Variants in ACAP2 observed in about 807,000 individuals in gnomAD.
The protein encoded by ACAP2 is ArfGAP with coiled-coil, ankyrin repeat and PH domains 2, also known as arf-GAP with coiled-coil, ANK repeat and PH domain-containing protein 2.
A neutral mutation model predicts 115.8 loss-of-function variants in ACAP2; 39 were observed. The observed-to-expected ratio is 0.34, with a 90% CI of 0.26 to 0.44. The LOEUF is 0.44. ACAP2 is among the 20% of genes least tolerant of loss of function. The probability of loss-of-function intolerance (pLI) is 1.00; values close to 1 mark genes in which losing one functional copy is unlikely to be tolerated. For synonymous variants in ACAP2, 289 were observed against 315.8 expected (o/e 0.92, Z 0.90); for missense variants, 662 against 927.6 (o/e 0.71, Z 3.72).
intron 2 of ACAP2, among the ~76,000 whole-genome samples, chr3:195,389,499 A>G (rs1734515045): frequency 6.6e-6 from 1 of 152,172 alleles, no homozygotes. Flanking sequence ...ACTTATGTAT[A>G]TATAAGTAAT....
intron 2 of ACAP2, among the ~76,000 whole-genome samples, 194 bp downstream of exon 2, chr3:195,391,895 TG>T (rs1734703096): frequency 6.6e-6 from 1 of 152,040 alleles, no homozygotes; most frequent in Non-Finnish European, 1.5e-5. Flanking sequence ...CTTGGGAGGC[TG>T]AGGCAGGAGG....
intron 13 of ACAP2, among the ~76,000 whole-genome samples, chr3:195,304,156 T>C (rs1728254987): frequency 2.4e-5 from 2 of 83,114 alleles, no homozygotes; most frequent in Non-Finnish European, 4.1e-5. Context: ...GGAGTGAGAC[T>C]CCATCTCAAA....
chr3:195,385,351 T>C (rs535241252), intron 2 of ACAP2, among the ~76,000 whole-genome samples: 63 of 151,386 alleles, frequency 4.2e-4, no homozygotes, highest in African/African-American at 1.5e-3. Flanking sequence ...CCTATTGTTG[T>C]TTGCTTTTGT....
intron 1 of ACAP2, among the ~76,000 whole-genome samples, chr3:195,411,628 A>G (rs1416439779): frequency 6.6e-6 from 1 of 152,236 alleles, no homozygotes; most frequent in Non-Finnish European, 1.5e-5. Context: ...GTAATCTACA[A>G]TATTTTTCCT....
In ACAP2 at chr3:195,375,585, G is replaced by A. The variant is rs189358070; in HGVS notation, c.285+5424C>T. Among the ~76,000 whole-genome samples, 12 of 151,336 alleles carry A rather than the reference G, an allele frequency of 7.9e-5. No individual in the cohort carries two copies. In the East Asian group the frequency reaches 2.1e-3, roughly 27 times the overall value. ...CCAGCACTTTGGGAAGCCGAGGCAGGATGATCACTTCAGCCCAGGAGTTTG... is the reference window on the plus strand; with the variant it reads ...CCAGCACTTTGGGAAGCCGAGGCAGAATGATCACTTCAGCCCAGGAGTTTG... On this transcript the variant is annotated intron_variant, in intron 4 of 22. Transcript: ENST00000326793.
At chr3:195,405,019 C>T (rs1712633558) in intron 1 of ACAP2, among the ~76,000 whole-genome samples, 1 of 151,794 alleles carries the variant, frequency 6.6e-6, no homozygotes, top group Non-Finnish European at 1.5e-5. Context: ...AGGCTGGTCT[C>T]GAACTCCTGA....
At chr3:195,403,628 C>G (rs561859967) in intron 1 of ACAP2, among the ~76,000 whole-genome samples, 4 of 152,176 alleles carry the variant, frequency 2.6e-5, no homozygotes, top group Non-Finnish European at 1.5e-5. Context: ...CATATGCATG[C>G]GTACACCAGG....
chr3:195,305,519 T>G (rs997270472), intron 13 of ACAP2, among the ~76,000 whole-genome samples: 4 of 152,114 alleles, frequency 2.6e-5, no homozygotes, highest in Non-Finnish European at 5.9e-5. Flanking sequence ...AGAAAGTACT[T>G]AAGTTTTCCT....
intron 10 of ACAP2, among the ~76,000 whole-genome samples, chr3:195,316,135 A>C (rs1729074823): frequency 6.6e-6 from 1 of 151,568 alleles, no homozygotes; most frequent in Non-Finnish European, 1.5e-5. Flanking sequence ...TTCTGCCATT[A>C]TATCATGAAA....
At position 195,342,735 on chromosome 3, in the gene ACAP2, C is replaced by T. The variant is rs1221330329; in HGVS notation, c.345-81G>A. 4 of 1,118,944 alleles carry T rather than the reference C, an allele frequency of 3.6e-6. No homozygotes were observed. In the African/African-American group the frequency reaches 4.8e-5, roughly 13 times the overall value. The allele number at this position is 1,118,944 out of a possible 1,614,324, so 69.3% of individuals were successfully genotyped here. A position where few individuals can be genotyped will look rare whatever the true frequency, so the allele number is the denominator to read the frequency against. On this transcript the variant is annotated intron_variant, in intron 5 of 22. Coordinates refer to ENST00000326793, the MANE Select transcript of ACAP2 (RefSeq NM_012287.6). ...AGCAGGCTGGGCGCGGTGGCTCACACCTGTAATCCCAGCACTTTGGGAGGC... is the reference window on the plus strand; with the variant it reads ...AGCAGGCTGGGCGCGGTGGCTCACATCTGTAATCCCAGCACTTTGGGAGGC...
chr3:195,295,843 C>T lies in ACAP2; in HGVS notation c.1537G>A (p.Val513Met). 1 of 1,613,812 alleles carries T rather than the reference C, an allele frequency of 6.2e-7. No individual in the cohort carries two copies. The highest frequency in any genetic ancestry group is 2.2e-5 in the East Asian group (1 of 44,858). The stretch of plus-strand genomic sequence containing the variant: ...GATAATGATATAGAATATTTATCCA[C>T]AAATTTCCTCTCCACATATTTTGCT... ...IRAKYVERKF[V>M]DKYSISLSPP... The change falls in exon 17 of 23, where the codon GTG becomes ATG. Residue 513 changes from valine (V) to methionine (M), a missense_variant. Val to Met is a conservative substitution (Grantham distance 21). This residue lies in a region of ACAP2 where 133 missense variants were observed against 123.1 expected (regional missense o/e 1.08). Transcript: ENST00000326793.
At chr3:195,423,808 G>T (rs1204013419) in intron 1 of ACAP2, among the ~76,000 whole-genome samples, 1 of 151,834 alleles carries the variant, frequency 6.6e-6, no homozygotes, top group Non-Finnish European at 1.5e-5. Flanking sequence ...TAATTTTCAT[G>T]TGTCATGAAA....
chr3:195,370,288 T>C (rs1304456790), intron 4 of ACAP2, among the ~76,000 whole-genome samples: 1 of 152,242 alleles, frequency 6.6e-6, no homozygotes, highest in African/African-American at 2.4e-5. Flanking sequence ...GCAATTGCTT[T>C]TGGCATCTTT....
At chr3:195,363,355 T>C (rs1227611381) in intron 4 of ACAP2, among the ~76,000 whole-genome samples, 1 of 152,086 alleles carries the variant, frequency 6.6e-6, no homozygotes, top group Non-Finnish European at 1.5e-5. Flanking sequence ...ATTGTTAAAA[T>C]GTCCAGGCCG....
At chr3:195,323,411 T>C (rs1729576515) in intron 9 of ACAP2, among the ~76,000 whole-genome samples, 1 of 151,954 alleles carries the variant, frequency 6.6e-6, no homozygotes, top group Admixed American at 6.6e-5. Context: ...AACAGAACAG[T>C]GGTAAAATAA....
chr3:195,415,000 G>A (rs543973488), intron 1 of ACAP2, among the ~76,000 whole-genome samples: 1 of 152,264 alleles, frequency 6.6e-6, no homozygotes, highest in African/African-American at 2.4e-5. Flanking sequence ...AATCAGTAAA[G>A]CCCAGAGAAT....
chr3:195,326,815 A>ACCTT, intron 9 of ACAP2, 70 bp downstream of exon 9: 1 of 1,311,730 alleles, frequency 7.6e-7, no homozygotes, highest in Non-Finnish European at 1.1e-6. Flanking sequence ...ATACAATGAT[A>ACCTT]CCTTGCATAA....
At chr3:195,425,026 CAAAAAAAAAA>C (rs10690317) in intron 1 of ACAP2, among the ~76,000 whole-genome samples, 299 of 26,632 alleles carry the variant, frequency 0.011, 1 homozygote, top group African/African-American at 0.034. Context: ...GACTCCGTCT[CAAAAAAAAAA>C]AAAAAAAAAA....
chr3:195,363,897 G>A (rs1732538730), intron 4 of ACAP2, among the ~76,000 whole-genome samples: 2 of 152,264 alleles, frequency 1.3e-5, no homozygotes, highest in African/African-American at 4.8e-5. Flanking sequence ...ATAAAGCTCA[G>A]ACAACTCCAC....
Sources: allele counts gnomAD v4.1 joint callset (sites outside exome capture counted in the v4.1 genomes callset), GRCh38; gene constraint gnomAD v4.1.1; regional missense constraint gnomAD v4.1.1; transcripts MANE v1.5; gene names NCBI Gene and HGNC (gene_info 2026-07-23, HGNC 2026-07-21).